Variants in PCDH11Y observed in about 807,000 individuals in gnomAD.
PCDH11Y encodes protocadherin 11 Y-linked, also known as protocadherin-11 Y-linked.
For synonymous variants in PCDH11Y, 9 were observed against 83.6 expected (o/e 0.11, Z 4.87); for missense variants, 12 against 224.8 (o/e 0.05, Z 6.05).
intron 2 of PCDH11Y, among the ~76,000 whole-genome samples, chrY:5,228,771 G>A (rs2052963837): frequency 6.1e-5 from 2 of 32,746 alleles, no homozygotes; most frequent in African/African-American, 2.4e-4. Context: ...ATTTCACTGT[G>A]GTCAGAGAAA....
intron 2 of PCDH11Y, among the ~76,000 whole-genome samples, chrY:5,308,727 C>A (rs369551178): frequency 8.7e-4 from 29 of 33,525 alleles, no homozygotes; most frequent in South Asian, 2.0e-3. Flanking sequence ...TATTTATGCA[C>A]GTTACTAGAC....
intron 2 of PCDH11Y, among the ~76,000 whole-genome samples, chrY:5,174,576 C>T: frequency 3.1e-5 from 1 of 32,506 alleles, no homozygotes; most frequent in African/African-American, 1.2e-4. Flanking sequence ...GAGAACTAGA[C>T]ATTTTTGTAG....
intron 2 of PCDH11Y, among the ~76,000 whole-genome samples, chrY:5,493,779 G>A (rs2053341121): frequency 3.0e-5 from 1 of 33,282 alleles, no homozygotes; most frequent in African/African-American, 1.2e-4. Context: ...GAAAATTGGT[G>A]GGAACTTCTC....
Position 5,085,779 on chromosome Y carries a change from T to TTGTG in PCDH11Y, c.637-12406_637-12403dup, listed in dbSNP as rs538114004. Among the ~76,000 whole-genome samples the TTGTG allele has an allele frequency of 1.3e-3, 32 of 25,010 alleles. No individual in the cohort carries two copies. In the East Asian group the frequency reaches 0.015, roughly 12 times the overall value. 67.1% of individuals were successfully genotyped at this position (25,010 alleles called of 37,273 possible). A position where few individuals can be genotyped will look rare whatever the true frequency, so the allele number is the denominator to read the frequency against. ...TGCTTCCAGACGTATTGGAGCTCCA[T>TTGTG]TGTGTGTGTGTGTGTGTGTGTGTGT... On this transcript the variant is annotated intron_variant, in intron 1 of 1. Coordinates refer to ENST00000215473, the Ensembl canonical transcript of PCDH11Y.
intron 2 of PCDH11Y, among the ~76,000 whole-genome samples, chrY:5,308,662 A>AAACAAC (rs2053093010): frequency 3.0e-5 from 1 of 33,392 alleles, no homozygotes; most frequent in African/African-American, 1.2e-4. Flanking sequence ...ACTCCGTCAA[A>AAACAAC]AACAACAACA....
At chrY:5,289,453 C>A (rs1602899836) in intron 2 of PCDH11Y, among the ~76,000 whole-genome samples, 1 of 34,386 alleles carries the variant, frequency 2.9e-5, no homozygotes, top group African/African-American at 1.1e-4. Flanking sequence ...GCTGGGAAAG[C>A]GGGTAGCTTC....
intron 2 of PCDH11Y, among the ~76,000 whole-genome samples, chrY:5,220,658 G>A (rs2052952914): frequency 4.3e-5 from 1 of 23,446 alleles, no homozygotes; most frequent in Non-Finnish European, 9.3e-5. Flanking sequence ...TGATCCGCCC[G>A]CCTCAGCCTC....
intron 2 of PCDH11Y, among the ~76,000 whole-genome samples, chrY:5,372,860 CCTTCCCTTCCTT>C (rs2053189270): frequency 3.0e-4 from 2 of 6,605 alleles, no homozygotes; most frequent in Non-Finnish European, 7.3e-4. Context: ...TTCCTTCCTT[CCTTCCCTTCCTT>C]CCTTCCTTCC....
chrY:5,123,848 C>T, intron 2 of PCDH11Y, among the ~76,000 whole-genome samples: 1 of 33,084 alleles, frequency 3.0e-5, no homozygotes, highest in Non-Finnish European at 7.5e-5. Flanking sequence ...CAAGATAAAA[C>T]GTAAAGACAA....
intron 3 of PCDH11Y, among the ~76,000 whole-genome samples, chrY:5,534,414 T>C: frequency 2.9e-5 from 1 of 34,021 alleles, no homozygotes; most frequent in Non-Finnish European, 7.3e-5. Flanking sequence ...CCATATGTAC[T>C]CAGTTTAGCT....
intron 2 of PCDH11Y, among the ~76,000 whole-genome samples, chrY:5,178,797 C>G: frequency 6.4e-5 from 2 of 31,479 alleles, no homozygotes; most frequent in Non-Finnish European, 1.5e-4. Flanking sequence ...CCACGACAGG[C>G]CCCAGTATGT....
intron 2 of PCDH11Y, among the ~76,000 whole-genome samples, chrY:5,483,651 A>G: frequency 3.1e-5 from 1 of 32,493 alleles, no homozygotes; most frequent in African/African-American, 1.2e-4. Context: ...CATGTAGGAC[A>G]GTGAGGAATT....
At chrY:5,400,743 T>G (rs1602919838) in intron 2 of PCDH11Y, among the ~76,000 whole-genome samples, 1 of 25,869 alleles carries the variant, frequency 3.9e-5, no homozygotes, top group Admixed American at 3.6e-4. Flanking sequence ...CAAGCAGATA[T>G]AGTACAAAGA....
At chrY:5,407,720 T>C (rs2053240518) in intron 2 of PCDH11Y, among the ~76,000 whole-genome samples, 2 of 31,089 alleles carry the variant, frequency 6.4e-5, no homozygotes, top group East Asian at 1.7e-3. Context: ...GAGACCATTC[T>C]GGCTAACAAG....
intron 2 of PCDH11Y, among the ~76,000 whole-genome samples, chrY:5,456,988 A>G: frequency 3.0e-5 from 1 of 33,209 alleles, no homozygotes; most frequent in African/African-American, 1.2e-4. Flanking sequence ...AGAAAAAAAT[A>G]AACTCAAAAA....
At chrY:5,078,075 G>A in intron 1 of PCDH11Y, among the ~76,000 whole-genome samples, 1 of 31,470 alleles carries the variant, frequency 3.2e-5, no homozygotes, top group Non-Finnish European at 7.7e-5. Context: ...GTGTCCATGC[G>A]TTCTCGTTGT....
At chrY:5,486,341 C>A (rs2053331317) in intron 2 of PCDH11Y, among the ~76,000 whole-genome samples, 1 of 32,029 alleles carries the variant, frequency 3.1e-5, no homozygotes, top group South Asian at 6.8e-4. Context: ...AAGTGATAAT[C>A]CATATCACCA....
intron 1 of PCDH11Y, among the ~76,000 whole-genome samples, chrY:5,006,314 C>A (rs2052539615): frequency 6.8e-5 from 2 of 29,252 alleles, no homozygotes; most frequent in Admixed American, 6.4e-4. Context: ...CCTCAGCAGA[C>A]CCCCTCAGCC....
intron 2 of PCDH11Y, among the ~76,000 whole-genome samples, chrY:5,223,293 G>A: frequency 3.1e-5 from 1 of 32,703 alleles, no homozygotes; most frequent in Non-Finnish European, 7.5e-5. Context: ...GTCCTTTTAT[G>A]TAATTTTTTC....
Sources: gnomAD v4.1 joint callset for allele counts (sites outside exome capture counted in the v4.1 genomes callset) on GRCh38, gnomAD v4.1.1 for gene constraint, MANE v1.5 for transcripts, NCBI Gene and HGNC (gene_info 2026-07-23, HGNC 2026-07-21) for gene names.